Variants in WDR43 observed in about 807,000 individuals in gnomAD.
WDR43 encodes WD repeat domain 43.
A neutral mutation model predicts 91.4 loss-of-function variants in WDR43; 13 were observed. The ratio of observed to expected loss-of-function variants is 0.14; its 90% confidence interval spans 0.09 to 0.23. The LOEUF (loss-of-function observed/expected upper bound fraction) is 0.23. WDR43 is among the 10% of genes least tolerant of loss of function. The pLI is 1.00. For synonymous variants in WDR43, 331 were observed against 287.9 expected, an observed-to-expected ratio of 1.15 and a Z score of -1.51; for missense variants, 780 against 809.4, an observed-to-expected ratio of 0.96 and a Z score of 0.44.
intron 1 of WDR43, among the ~76,000 whole-genome samples, chr2:28,897,096 C>A (rs908163242): frequency 6.6e-6 from 1 of 152,196 alleles, no homozygotes; most frequent in Non-Finnish European, 1.5e-5. Context: ...GATTTTGTTA[C>A]TCTCAATCTT....
intron 6 of WDR43, among the ~76,000 whole-genome samples, chr2:28,918,497 T>C (rs1419013237): frequency 1.3e-5 from 2 of 151,864 alleles, no homozygotes; most frequent in African/African-American, 4.8e-5. Context: ...GCCTCCCGAG[T>C]AGCTGGGATT....
chr2:28,895,154 C>T (rs1670452895), intron 1 of WDR43: 2 of 367,462 alleles, frequency 5.4e-6, no homozygotes, highest in African/African-American at 2.1e-5. Flanking sequence ...TATCCGAGCC[C>T]TGCCGGCTGG....
At chr2:28,944,384 T>A (rs1406057542) in intron 16 of WDR43, among the ~76,000 whole-genome samples, 1 of 152,242 alleles carries the variant, frequency 6.6e-6, no homozygotes, top group East Asian at 1.9e-4. Flanking sequence ...TAAATATAGA[T>A]AGACTTTTCC....
intron 1 of WDR43, among the ~76,000 whole-genome samples, chr2:28,896,230 G>T (rs1239025105): frequency 6.6e-6 from 1 of 152,166 alleles, no homozygotes; most frequent in Non-Finnish European, 1.5e-5. Flanking sequence ...CGGAGCAGTG[G>T]TTAGGTAGGT....
Position 28,946,845 on chromosome 2 carries a change from C to A in WDR43, c.*66C>A. On this transcript the variant is annotated 3_prime_UTR_variant, in exon 18 of 18. Coordinates refer to ENST00000407426, the MANE Select transcript of WDR43 (RefSeq NM_015131.3). Reference sequence around the variant, plus strand: ...TCACCTTGCCCAGTGGTGAGGGCTGCCTCTGTGCCAGGATGCCAAGGACCG... The same window carrying A: ...TCACCTTGCCCAGTGGTGAGGGCTGACTCTGTGCCAGGATGCCAAGGACCG... 6.8e-7 allele frequency: 1 copy of A among 1,462,308 alleles called. No homozygotes were observed. 90.6% of individuals were successfully genotyped at this position (1,462,308 alleles called of 1,614,324 possible).
At position 28,903,291 on chromosome 2, in the gene WDR43, A is replaced by G. The variant is rs144134754; in HGVS notation, c.363+1167A>G. On this transcript the variant is annotated intron_variant, in intron 2 of 17. Coordinates refer to ENST00000407426, the MANE Select transcript of WDR43 (RefSeq NM_015131.3). The stretch of plus-strand genomic sequence containing the variant: ...TTGTAAAACAATTTCTTTTTCTTAC[A>G]TGGATTCACAGAATTACTAACCTAA... Among the ~76,000 whole-genome samples, 834 of 152,270 alleles carry G rather than the reference A, an allele frequency of 5.5e-3. 9 individuals are homozygous for G. Among genetic ancestry groups the G allele is most frequent in the African/African-American group, 0.019 (771 of 41,558 alleles).
chr2:28,935,199 G>A lies in WDR43; in HGVS notation c.1438-322G>A, dbSNP rs969314484. On this transcript the variant is annotated intron_variant, in intron 11 of 17. Transcript: ENST00000407426. ...TACAGCCCAAATTTCATAAAATGGAGGTTTGGGAACATCTTTAAAGTGGCA... is the reference window on the plus strand; with the variant it reads ...TACAGCCCAAATTTCATAAAATGGAAGTTTGGGAACATCTTTAAAGTGGCA... Among the ~76,000 whole-genome samples the A allele has an allele frequency of 3.9e-5, 6 of 152,092 alleles. 1 individual carries two copies. Among genetic ancestry groups the A allele is most frequent in the Admixed American group, 3.9e-4 (6 of 15,280 alleles).
At chr2:28,898,074 C>T (rs1220744817) in intron 1 of WDR43, among the ~76,000 whole-genome samples, 1 of 152,226 alleles carries the variant, frequency 6.6e-6, no homozygotes, top group Non-Finnish European at 1.5e-5. Context: ...AGTAAAGTGA[C>T]TGAGCCACCT....
intron 6 of WDR43, among the ~76,000 whole-genome samples, chr2:28,920,067 G>C (rs1670992502): frequency 6.6e-6 from 1 of 151,890 alleles, no homozygotes; most frequent in Admixed American, 6.6e-5. Context: ...TCAAACTCCT[G>C]GCCTTGAGTC....
intron 11 of WDR43, among the ~76,000 whole-genome samples, chr2:28,931,524 T>C (rs1671244108): frequency 6.6e-6 from 1 of 152,244 alleles, no homozygotes; most frequent in South Asian, 2.1e-4. Context: ...TTTTGCATAC[T>C]GCATCACTGT....
intron 15 of WDR43, among the ~76,000 whole-genome samples, chr2:28,941,837 C>T (rs1671443120): frequency 6.6e-6 from 1 of 152,118 alleles, no homozygotes. Context: ...TCAAGGGATC[C>T]TACCACCTTG....
rs765340258 is a variant in WDR43 at position 28,925,063 on chromosome 2, C to T, written c.996C>T (p.Pro332=). Residue 332 remains proline, a synonymous_variant, in exon 8 of 18, where the codon CCC becomes CCT. Transcript: ENST00000407426. ...AAGGCAAGAAGTCAACACCAAAACC[C>T]ATCCCTATTCTAGCTGCTGGTTTTT... is the stretch of plus-strand genomic sequence containing the variant. ...PGKGKKSTPK[P]IPILAAGFCS... The T allele has an allele frequency of 6.2e-7, 1 of 1,613,962 alleles. No individual in the cohort carries two copies. Among genetic ancestry groups the T allele is most frequent in the Admixed American group, 1.7e-5 (1 of 60,028 alleles).
At chr2:28,895,700 G>A (rs150160217) in intron 1 of WDR43, 2 of 152,332 alleles carry the variant, frequency 1.3e-5, no homozygotes, top group Admixed American at 1.3e-4. Flanking sequence ...TGCCGAGTTA[G>A]GCAGAGCTTT....
At chr2:28,941,972 A>C (rs376025632) in intron 15 of WDR43, among the ~76,000 whole-genome samples, 1 of 152,188 alleles carries the variant, frequency 6.6e-6, no homozygotes, top group East Asian at 1.9e-4. Context: ...GTTTGACAGT[A>C]AGAAAGTTTA....
intron 14 of WDR43, among the ~76,000 whole-genome samples, chr2:28,941,049 G>A (rs1303181889): frequency 6.6e-6 from 1 of 152,186 alleles, no homozygotes; most frequent in Non-Finnish European, 1.5e-5. Flanking sequence ...GGGCCTTACA[G>A]TAAGGGTAGA....
chr2:28,913,327 T>A (rs1398925722), intron 4 of WDR43, among the ~76,000 whole-genome samples: 1 of 151,824 alleles, frequency 6.6e-6, no homozygotes, highest in Non-Finnish European at 1.5e-5. Context: ...AAAGTTACCT[T>A]TTAAAAAACA....
In WDR43 at chr2:28,941,594, C is replaced by G. The variant is rs1457314887; in HGVS notation, c.1734+20C>G. On this transcript the variant is annotated intron_variant, in intron 15 of 17. Coordinates refer to ENST00000407426, the MANE Select transcript of WDR43 (RefSeq NM_015131.3). ...ACACAAGTGAGTAAATCATATTGTTCTGGGCTAAAACTTTTGGACATGGTA... is the reference window on the plus strand; with the variant it reads ...ACACAAGTGAGTAAATCATATTGTTGTGGGCTAAAACTTTTGGACATGGTA... 1 of 1,569,876 alleles carries G rather than the reference C, an allele frequency of 6.4e-7. No individual in the cohort carries two copies.
At chr2:28,932,591 T>A (rs969285963) in intron 11 of WDR43, among the ~76,000 whole-genome samples, 1 of 152,202 alleles carries the variant, frequency 6.6e-6, no homozygotes, top group African/African-American at 2.4e-5. Flanking sequence ...CTAAAAACGT[T>A]TTCCCCCTTC....
At chr2:28,914,329 G>A (rs891998094) in intron 5 of WDR43, 121 bp downstream of exon 5, 2 of 1,249,458 alleles carry the variant, frequency 1.6e-6, no homozygotes, top group Non-Finnish European at 2.1e-6. Flanking sequence ...TTTACATTGA[G>A]TCATAATAAA....
Sources: allele counts gnomAD v4.1 joint callset (sites outside exome capture counted in the v4.1 genomes callset), GRCh38; gene constraint gnomAD v4.1.1; transcripts MANE v1.5; gene names NCBI Gene and HGNC (gene_info 2026-07-23, HGNC 2026-07-21).